The following KCNT2 variants were observed in gnomAD, a reference collection of about 807,000 sequenced individuals.
The protein encoded by KCNT2 is potassium sodium-activated channel subfamily T member 2, also known as potassium channel subfamily T member 2.
A neutral mutation model predicts 153.8 loss-of-function variants in KCNT2; 67 were observed. The ratio of observed to expected loss-of-function variants is 0.44; its 90% CI spans 0.36 to 0.53. The LOEUF (loss-of-function observed/expected upper bound fraction) is 0.53, where lower values mean the gene tolerates loss of function less well. Ranked by LOEUF, KCNT2 falls within the 20% of genes least tolerant of loss-of-function variation. KCNT2 has a pLI of 0.00. For synonymous variants in KCNT2, 500 were observed against 458.8 expected, an observed-to-expected ratio of 1.09 and a Z score of -1.15; for missense variants, 975 against 1,354.8, an observed-to-expected ratio of 0.72 and a Z score of 4.40.
At chr1:196,399,296 A>C (rs1174322998) in intron 12 of KCNT2, among the ~76,000 whole-genome samples, 2 of 151,764 alleles carry the variant, frequency 1.3e-5, no homozygotes, top group African/African-American at 4.8e-5. Context: ...AAATCAAGGA[A>C]GATTATTAGA....
intron 1 of KCNT2, among the ~76,000 whole-genome samples, chr1:196,594,917 T>G (rs1338435985): frequency 6.6e-6 from 1 of 152,172 alleles, no homozygotes; most frequent in Non-Finnish European, 1.5e-5. Flanking sequence ...AGTCAGCAGT[T>G]TATATTTCAA....
chr1:196,336,605 C>T (rs1045090552), intron 16 of KCNT2, among the ~76,000 whole-genome samples: 2 of 152,132 alleles, frequency 1.3e-5, no homozygotes, highest in Admixed American at 1.3e-4. Flanking sequence ...TCCAGACCTA[C>T]TGTTTCTAAT....
At chr1:196,280,794 A>AAATC in intron 25 of KCNT2, 66 bp downstream of exon 25, 1 of 1,373,772 alleles carries the variant, frequency 7.3e-7, no homozygotes, top group Non-Finnish European at 1.0e-6. Flanking sequence ...ATCAGTTTAT[A>AAATC]AGCTTATGAA....
At chr1:196,580,464 AGG>A (rs1661899548) in intron 1 of KCNT2, among the ~76,000 whole-genome samples, 2 of 152,124 alleles carry the variant, frequency 1.3e-5, no homozygotes, top group Non-Finnish European at 2.9e-5. Context: ...ACCCTGAGAA[AGG>A]CTTTATAGTT....
At position 196,573,872 on chromosome 1, in the gene KCNT2, A is replaced by C. The variant is rs1442927316; in HGVS notation, c.95+34343T>G. ...GTATGTTACTCTTGTTTACTTTCTC[A>C]GTCACTTAGAGGACTGCAAATAAGT... On this transcript the variant is annotated intron_variant, in intron 1 of 27. Coordinates refer to ENST00000294725, the MANE Select transcript of KCNT2 (RefSeq NM_198503.5). Among the ~76,000 whole-genome samples, 3 of 151,958 alleles carry C rather than the reference A, an allele frequency of 2.0e-5. No individual in the cohort carries two copies. The South Asian group carries it at 6.2e-4, about 31-fold the overall frequency.
intron 12 of KCNT2, among the ~76,000 whole-genome samples, chr1:196,402,523 CA>C (rs1671502931): frequency 6.6e-6 from 1 of 151,414 alleles, no homozygotes; most frequent in East Asian, 2.0e-4. Flanking sequence ...AAAAAAAATT[CA>C]AAAGGCACAT....
chr1:196,284,421 T>C (rs1659460248), intron 23 of KCNT2, among the ~76,000 whole-genome samples: 1 of 149,150 alleles, frequency 6.7e-6, no homozygotes, highest in South Asian at 2.1e-4. Flanking sequence ...TTTAGAACAG[T>C]TTTTCTTCTA....
chr1:196,280,995 C>T lies in KCNT2; in HGVS notation c.2782-7G>A, dbSNP rs1291900971. ...CATCTGCAGTGATTTTCATCTATAA[C>T]ACACACAAATTATTTACATATTAAA... On this transcript the variant is annotated splice_region_variant and splice_polypyrimidine_tract_variant and intron_variant, in intron 24 of 27. Coordinates refer to ENST00000294725, the MANE Select transcript of KCNT2 (RefSeq NM_198503.5). The T allele has an allele frequency of 3.8e-6, 6 of 1,598,610 alleles. No homozygotes were observed. The African/African-American group carries it at 8.1e-5, about 21-fold the overall frequency.
chr1:196,261,130 A>G lies in KCNT2; in HGVS notation c.2911-2636T>C, dbSNP rs140911848. 6.9e-3 allele frequency among the ~76,000 whole-genome samples: 1,053 copies of G among 151,868 alleles called. 10 individuals carry two copies. The highest frequency in any genetic ancestry group is 0.024 in the African/African-American group (977 of 41,456). Reference sequence around the variant, plus strand: ...TCTAGTTGTAACTCTCCTGTGTTTTAAACATGCCATCATAATCTAGTGGAA... The same window carrying G: ...TCTAGTTGTAACTCTCCTGTGTTTTGAACATGCCATCATAATCTAGTGGAA... On this transcript the variant is annotated intron_variant, in intron 25 of 27. Coordinates refer to ENST00000294725, the MANE Select transcript of KCNT2 (RefSeq NM_198503.5).
intron 26 of KCNT2, among the ~76,000 whole-genome samples, chr1:196,245,090 A>C (rs1405165451): frequency 6.6e-6 from 1 of 152,168 alleles, no homozygotes; most frequent in Non-Finnish European, 1.5e-5. Context: ...CTTATGCAAT[A>C]CCAACAATGT....
At chr1:196,442,051 G>A (rs1675279636) in intron 8 of KCNT2, among the ~76,000 whole-genome samples, 1 of 151,684 alleles carries the variant, frequency 6.6e-6, no homozygotes, top group South Asian at 2.1e-4. Context: ...CAATAATCAA[G>A]AAAAATCATC....
At chr1:196,385,571 A>T (rs1427951117) in intron 13 of KCNT2, among the ~76,000 whole-genome samples, 3 of 152,106 alleles carry the variant, frequency 2.0e-5, no homozygotes, top group African/African-American at 7.2e-5. Flanking sequence ...GGGCACAGGG[A>T]TAAATTTTAT....
In KCNT2 at chr1:196,227,439, T is replaced by C. The variant is rs942828885; in HGVS notation, c.*785A>G. On this transcript the variant is annotated 3_prime_UTR_variant, in exon 28 of 28. Transcript: ENST00000294725. ...CTTGAATTAAATTTAAGTCAACAAA[T>C]GTGTATTAAGTATTTTCTCTATGCT... 16 of 152,064 alleles carry C rather than the reference T, an allele frequency of 1.1e-4. No homozygotes were observed. Among genetic ancestry groups the C allele is most frequent in the Admixed American group, 1.0e-3 (16 of 15,270 alleles). 9.4% of individuals were successfully genotyped at this position (152,064 alleles called of 1,614,324 possible). A position where few individuals can be genotyped will look rare whatever the true frequency, so the allele number is the denominator to read the frequency against.
chr1:196,362,855 A>G (rs773077754), intron 14 of KCNT2, among the ~76,000 whole-genome samples: 1 of 152,158 alleles, frequency 6.6e-6, no homozygotes, highest in Non-Finnish European at 1.5e-5. Context: ...GAAAGGCAAC[A>G]TGAAAACATC....
At chr1:196,249,199 T>G (rs1045147235) in intron 26 of KCNT2, among the ~76,000 whole-genome samples, 1 of 152,062 alleles carries the variant, frequency 6.6e-6, no homozygotes, top group Non-Finnish European at 1.5e-5. Context: ...GGTATCATAC[T>G]GAGTAGGGAA....
At chr1:196,524,054 C>T (rs1281026218) in intron 1 of KCNT2, among the ~76,000 whole-genome samples, 1 of 152,084 alleles carries the variant, frequency 6.6e-6, no homozygotes, top group Non-Finnish European at 1.5e-5. Context: ...TATACCTTTC[C>T]CAAAAACGAA....
At chr1:196,443,486 T>A (rs2148594567) in intron 8 of KCNT2, among the ~76,000 whole-genome samples, 1 of 151,606 alleles carries the variant, frequency 6.6e-6, no homozygotes, top group South Asian at 2.1e-4. Context: ...TAATCCCTAT[T>A]TTGTAAGATC....
intron 3 of KCNT2, 111 bp downstream of exon 3, chr1:196,489,727 C>A: frequency 1.6e-6 from 1 of 637,674 alleles, no homozygotes; most frequent in Non-Finnish European, 2.8e-6. Flanking sequence ...TGACAAACAC[C>A]TAAAATACCC....
intron 22 of KCNT2, among the ~76,000 whole-genome samples, chr1:196,286,265 G>A (rs959556808): frequency 6.6e-5 from 10 of 152,032 alleles, no homozygotes; most frequent in East Asian, 1.9e-4. Context: ...GCCTTTGGGA[G>A]GTGATTAGTT....
Sources: gnomAD v4.1 joint callset for allele counts (sites outside exome capture counted in the v4.1 genomes callset) on GRCh38, gnomAD v4.1.1 for gene constraint, MANE v1.5 for transcripts, NCBI Gene and HGNC (gene_info 2026-07-23, HGNC 2026-07-21) for gene names.